NAV3: variants seen among roughly 807,000 people sequenced by gnomAD.
The protein encoded by NAV3 is pore membrane and/or filament interacting like protein 1.
Under a neutral mutation model 244.7 loss-of-function variants are expected in NAV3, and 87 were observed. The ratio of observed to expected loss-of-function variants is 0.36; its 90% CI spans 0.30 to 0.42. The LOEUF (loss-of-function observed/expected upper bound fraction) is 0.42. NAV3 is among the 20% of genes least tolerant of loss of function. The probability of loss-of-function intolerance (pLI) is 1.00; values close to 1 mark genes in which losing one functional copy is unlikely to be tolerated. For missense variants in NAV3, 2,663 were observed against 2,893.3 expected (o/e 0.92, Z 1.83); for synonymous variants, 1,126 against 1,042.2 (o/e 1.08, Z -1.55).
chr12:77,805,685 T>A (rs1050277151), intron 2 of NAV3, among the ~76,000 whole-genome samples: 1 of 152,208 alleles, frequency 6.6e-6, no homozygotes, highest in South Asian at 2.1e-4. Flanking sequence ...CCTCATAAGA[T>A]GAGTTAGGGA....
intron 2 of NAV3, among the ~76,000 whole-genome samples, chr12:77,630,189 G>A (rs993717454): frequency 2.0e-5 from 3 of 152,128 alleles, no homozygotes; most frequent in African/African-American, 7.2e-5. Context: ...CTGGGGAGGA[G>A]GAGTGTGAAC....
intron 1 of NAV3, among the ~76,000 whole-genome samples, chr12:77,886,795 T>A (rs10466986): frequency 6.6e-6 from 1 of 152,154 alleles, no homozygotes; most frequent in East Asian, 1.9e-4. Context: ...ATCATTGAGC[T>A]GAAATAAGCT....
Position 78,119,298 on chromosome 12 carries a change from A to G in NAV3, c.3102A>G (p.Leu1034=). The G allele has an allele frequency of 6.2e-7, 1 of 1,614,218 alleles. No individual in the cohort carries two copies. Among genetic ancestry groups the G allele is most frequent in the East Asian group, 2.2e-5 (1 of 44,874 alleles). ...AAGCTCCCCTAAAAGGATCATCTCT[A>G]CAAAGATCTCCTTCAGATGCAGGAA... is the stretch of plus-strand genomic sequence containing the variant. ...KGKAPLKGSS[L]QRSPSDAGKS... is the part of the protein sequence containing the mutation. The change falls in exon 15 of 40, where the codon CTA becomes CTG. Residue 1034 remains leucine, a synonymous_variant. Coordinates refer to ENST00000397909, the MANE Select transcript of NAV3 (RefSeq NM_001024383.2).
In NAV3 at chr12:77,874,881, A is replaced by T. The variant is rs80330271; in HGVS notation, c.243+43177A>T. 7.7e-3 allele frequency among the ~76,000 whole-genome samples: 1,167 copies of T among 152,176 alleles called. 7 individuals carry two copies. Among genetic ancestry groups the T allele is most frequent in the African/African-American group, 0.027 (1,102 of 41,524 alleles). On this transcript the variant is annotated intron_variant, in intron 1 of 39. Transcript: ENST00000397909. ...ATTTTATTCTGTATTTTTTTTATAGATTTGTTACTCTGAAGTTTACATCTT... is the reference window on the plus strand; with the variant it reads ...ATTTTATTCTGTATTTTTTTTATAGTTTTGTTACTCTGAAGTTTACATCTT...
chr12:77,705,881 T>C (rs1875776262), intron 2 of NAV3, among the ~76,000 whole-genome samples: 1 of 151,518 alleles, frequency 6.6e-6, no homozygotes. Context: ...TTTCAGATAT[T>C]TTATAATAAG....
At chr12:77,869,493 A>G (rs1388145854) in intron 1 of NAV3, among the ~76,000 whole-genome samples, 1 of 152,176 alleles carries the variant, frequency 6.6e-6, no homozygotes, top group Non-Finnish European at 1.5e-5. Context: ...GACCCTACTC[A>G]TGTCAACTAT....
intron 2 of NAV3, among the ~76,000 whole-genome samples, chr12:77,651,354 C>G (rs1872813423): frequency 6.6e-6 from 1 of 152,094 alleles, no homozygotes. Context: ...TCTGACTGAT[C>G]TATTCTTGTG....
chr12:77,665,862 C>G (rs1315574606), intron 2 of NAV3, among the ~76,000 whole-genome samples: 1 of 152,106 alleles, frequency 6.6e-6, no homozygotes, highest in Non-Finnish European at 1.5e-5. Context: ...TGCCTGGAAT[C>G]ACAAAAGAAA....
chr12:77,657,856 C>G (rs1415695727), intron 2 of NAV3, among the ~76,000 whole-genome samples: 2 of 152,084 alleles, frequency 1.3e-5, no homozygotes, highest in Non-Finnish European at 2.9e-5. Context: ...AAGACAAAAA[C>G]CACATGATTA....
chr12:77,663,116 G>A (rs1458979283), intron 2 of NAV3, among the ~76,000 whole-genome samples: 1 of 151,920 alleles, frequency 6.6e-6, no homozygotes, highest in Non-Finnish European at 1.5e-5. Context: ...TTTTATTATC[G>A]TTTTTGTGAA....
At chr12:77,608,280 A>G (rs1870759386) in intron 2 of NAV3, among the ~76,000 whole-genome samples, 1 of 152,098 alleles carries the variant, frequency 6.6e-6, no homozygotes, top group South Asian at 2.1e-4. Flanking sequence ...CAGGAAAATG[A>G]GGAAAGATGT....
intron 2 of NAV3, among the ~76,000 whole-genome samples, chr12:77,793,098 G>A (rs909060068): frequency 6.6e-6 from 1 of 151,990 alleles, no homozygotes; most frequent in Non-Finnish European, 1.5e-5. Flanking sequence ...TACATACAGA[G>A]CATGCACTGT....
chr12:77,791,685 T>C (rs765123221), intron 2 of NAV3, among the ~76,000 whole-genome samples: 1 of 152,188 alleles, frequency 6.6e-6, no homozygotes, highest in African/African-American at 2.4e-5. Flanking sequence ...TCTCTATATA[T>C]AGTGAGCCCT....
chr12:77,986,238 C>T (rs763019448), intron 5 of NAV3, among the ~76,000 whole-genome samples: 3 of 151,928 alleles, frequency 2.0e-5, no homozygotes, highest in Admixed American at 6.6e-5. Flanking sequence ...GGCACGCACC[C>T]GTAATCTAAG....
At chr12:78,062,641 T>C (rs1056162513) in intron 12 of NAV3, among the ~76,000 whole-genome samples, 1 of 152,076 alleles carries the variant, frequency 6.6e-6, no homozygotes, top group Non-Finnish European at 1.5e-5. Flanking sequence ...TTTTAAGAAA[T>C]GTTGATTTAG....
At chr12:77,631,158 T>C (rs1871878453) in intron 2 of NAV3, among the ~76,000 whole-genome samples, 1 of 152,202 alleles carries the variant, frequency 6.6e-6, no homozygotes, top group South Asian at 2.1e-4. Context: ...TTTGATGTTT[T>C]TAGGTTCTGG....
At chr12:77,684,645 G>A (rs1874631097) in intron 2 of NAV3, among the ~76,000 whole-genome samples, 2 of 152,010 alleles carry the variant, frequency 1.3e-5, no homozygotes, top group Admixed American at 1.3e-4. Context: ...TCTTAATGAT[G>A]TGTTTTAATG....
At chr12:77,982,149 C>T (rs1448669346) in intron 5 of NAV3, among the ~76,000 whole-genome samples, 1 of 152,076 alleles carries the variant, frequency 6.6e-6, no homozygotes, top group Non-Finnish European at 1.5e-5. Context: ...CTGTTTTCTA[C>T]TTGATTTTTA....
At position 78,180,944 on chromosome 12, in the gene NAV3, G is replaced by A; in HGVS notation, c.5591G>A (p.Arg1864Gln). The part of the protein sequence containing the change: ...AETGNTAKPT[R>Q]PPSESSSSTS... Reference sequence around the variant, plus strand: ...ACTGGTAACACAGCTAAGCCTACTCGGCCACCGTCAGAATCCTCAAGCAGC... The same window carrying A: ...ACTGGTAACACAGCTAAGCCTACTCAGCCACCGTCAGAATCCTCAAGCAGC... Residue 1864 changes from arginine to glutamine, a missense_variant, in exon 30 of 40, where the codon CGG becomes CAG. By Grantham distance (43) the Arg-to-Gln change is conservative. Coordinates refer to ENST00000397909, the MANE Select transcript of NAV3 (RefSeq NM_001024383.2). 1.2e-6 allele frequency: 2 copies of A among 1,613,038 alleles called. No homozygotes were observed. Among genetic ancestry groups the A allele is most frequent in the Admixed American group, 1.7e-5 (1 of 59,896 alleles).
Sources: gnomAD v4.1 joint callset for allele counts (sites outside exome capture counted in the v4.1 genomes callset) on GRCh38, gnomAD v4.1.1 for gene constraint, MANE v1.5 for transcripts, NCBI Gene and HGNC (gene_info 2026-07-23, HGNC 2026-07-21) for gene names.